SLC30A7: variants seen among roughly 807,000 people sequenced by gnomAD.
SLC30A7 encodes solute carrier family 30 member 7, also known as zinc transporter 7.
SLC30A7 carries 35 observed loss-of-function variants against 46.0 expected under a neutral mutation model. That is an observed-to-expected ratio of 0.76 (90% CI 0.58 to 1.01). The LOEUF (loss-of-function observed/expected upper bound fraction) is 1.01. Ranked by LOEUF, SLC30A7 falls within the 50% of genes least tolerant of loss-of-function variation. SLC30A7 has a pLI of 0.00. For missense variants in SLC30A7, 464 were observed against 451.1 expected (o/e 1.03, Z -0.26); for synonymous variants, 147 against 157.8 (o/e 0.93, Z 0.51).
At chr1:100,971,682 A>G (rs1203060200) in intron 10 of SLC30A7, among the ~76,000 whole-genome samples, 1 of 152,160 alleles carries the variant, frequency 6.6e-6, no homozygotes, top group Admixed American at 6.5e-5. Flanking sequence ...AAAAAAACCC[A>G]CACTCAAGTT....
At chr1:100,906,542 C>T (rs1178423728) in intron 2 of SLC30A7, among the ~76,000 whole-genome samples, 1 of 151,946 alleles carries the variant, frequency 6.6e-6, no homozygotes, top group Non-Finnish European at 1.5e-5. Context: ...TTTTTCCTAC[C>T]TCTCTTTCAG....
intron 10 of SLC30A7, among the ~76,000 whole-genome samples, chr1:100,968,892 C>CT (rs1469881878): frequency 1.1e-4 from 17 of 152,292 alleles, no homozygotes; most frequent in African/African-American, 4.1e-4. Flanking sequence ...TTAAAGCCAT[C>CT]TTTATATATG....
chr1:100,965,044 T>C (rs987891035), intron 9 of SLC30A7, among the ~76,000 whole-genome samples: 1 of 152,208 alleles, frequency 6.6e-6, no homozygotes, highest in Non-Finnish European at 1.5e-5. Context: ...ACTTCCCAGG[T>C]AGATTATGTA....
At chr1:100,963,426 C>T (rs890024866) in intron 9 of SLC30A7, among the ~76,000 whole-genome samples, 13 of 152,032 alleles carry the variant, frequency 8.6e-5, no homozygotes, top group African/African-American at 3.1e-4. Context: ...ATTCTGGATG[C>T]CATTACTGAC....
the SLC30A7 span, among the ~76,000 whole-genome samples, chr1:100,991,873 G>A: frequency 6.6e-6 from 1 of 151,580 alleles, no homozygotes; most frequent in African/African-American, 2.4e-5. Context: ...TTGGGAGGCT[G>A]AGGTGGGAGG....
At chr1:100,898,261 C>A (rs1370142261) in intron 2 of SLC30A7, among the ~76,000 whole-genome samples, 1 of 152,144 alleles carries the variant, frequency 6.6e-6, no homozygotes, top group African/African-American at 2.4e-5. Flanking sequence ...TCAAGAGATT[C>A]ACACTTGAAG....
At chr1:100,985,077 A>T (rs538087686), downstream of SLC30A7, among the ~76,000 whole-genome samples, 1 of 152,326 alleles carries the variant, frequency 6.6e-6, no homozygotes, top group East Asian at 1.9e-4. Context: ...GAAGACAGAG[A>T]AAAGAGTCAA....
In SLC30A7 at chr1:100,961,906, G is replaced by A; in HGVS notation, c.921G>A (p.Gln307=). Residue 307 remains glutamine (Q), a synonymous_variant, in exon 9 of 11, where the codon CAG becomes CAA. Transcript: ENST00000357650. ...CCCTATTAGAAAATAGTCTGCCTCAGTGCTATCAGAGGGTGAGTTTCAAAT... is the reference window on the plus strand; with the variant it reads ...CCCTATTAGAAAATAGTCTGCCTCAATGCTATCAGAGGGTGAGTTTCAAAT... ...TPPLLENSLP[Q]CYQRVQQLQG... is the part of the protein sequence containing the mutation. 1 of 1,598,756 alleles carries A rather than the reference G, an allele frequency of 6.3e-7. No individual in the cohort carries two copies. Among genetic ancestry groups the A allele is most frequent in the African/African-American group, 1.3e-5 (1 of 74,494 alleles).
At chr1:100,987,668 C>CTTT in the SLC30A7 span, among the ~76,000 whole-genome samples, 882 of 141,046 alleles carry the variant, frequency 6.3e-3, 15 homozygotes, top group African/African-American at 0.02. Flanking sequence ...GTTGTCTGCT[C>CTTT]TTTTTTTTTT....
intron 8 of SLC30A7, among the ~76,000 whole-genome samples, chr1:100,951,240 GAC>G (rs1654936886): frequency 6.6e-6 from 1 of 152,120 alleles, no homozygotes; most frequent in African/African-American, 2.4e-5. Flanking sequence ...TCAGGGTACT[GAC>G]ACAAAGTACC....
chr1:100,942,446 A>G (rs1395935238), intron 8 of SLC30A7, among the ~76,000 whole-genome samples: 3 of 152,190 alleles, frequency 2.0e-5, no homozygotes, highest in African/African-American at 7.2e-5. Flanking sequence ...AAAAACACTC[A>G]AAGTGCTTTT....
intron 9 of SLC30A7, among the ~76,000 whole-genome samples, chr1:100,964,540 C>T (rs1344071335): frequency 2.0e-5 from 3 of 151,974 alleles, no homozygotes; most frequent in East Asian, 3.9e-4. Flanking sequence ...TTCTAATCCA[C>T]GTCACTCTGA....
rs1276095504 is a variant in SLC30A7, at chr1:100,912,123, C to T, written c.396C>T (p.Ala132=). 2 of 1,613,410 alleles carry T rather than the reference C, an allele frequency of 1.2e-6. No individual in the cohort carries two copies. The highest frequency in any genetic ancestry group is 8.5e-7 in the Non-Finnish European group (1 of 1,179,532). ...IFSEGVERAL[A]PPDVHHERLL... ...TATGTGTTTTCTAGAGAGCATTAGC[C>T]CCTCCAGATGTCCACCATGAGAGAC... The change falls in exon 5 of 11, where the codon GCC becomes GCT. Residue 132 remains alanine, a synonymous_variant. Coordinates refer to ENST00000357650, the MANE Select transcript of SLC30A7 (RefSeq NM_133496.5).
At chr1:100,970,499 C>G (rs1196885949) in intron 10 of SLC30A7, among the ~76,000 whole-genome samples, 1 of 151,912 alleles carries the variant, frequency 6.6e-6, no homozygotes, top group Non-Finnish European at 1.5e-5. Context: ...TTGCTAAAAG[C>G]CACTTCAGTA....
At chr1:100,913,425 A>G (rs1652262879) in intron 5 of SLC30A7, among the ~76,000 whole-genome samples, 1 of 152,196 alleles carries the variant, frequency 6.6e-6, no homozygotes, top group African/African-American at 2.4e-5. Flanking sequence ...ACTTCCAGTC[A>G]GTACTTATTT....
intron 8 of SLC30A7, among the ~76,000 whole-genome samples, chr1:100,958,016 T>A (rs576149089): frequency 6.6e-6 from 1 of 152,274 alleles, no homozygotes; most frequent in Admixed American, 6.5e-5. Flanking sequence ...CAGATCCCAC[T>A]CTTTAGTTTA....
chr1:100,985,346 C>T (rs547737053), downstream of SLC30A7, among the ~76,000 whole-genome samples: 14 of 152,146 alleles, frequency 9.2e-5, no homozygotes, highest in Non-Finnish European at 1.3e-4. Context: ...ACAGAATAAA[C>T]CCCAAAATAT....
At chr1:100,928,730 T>C (rs1283865741) in intron 8 of SLC30A7, among the ~76,000 whole-genome samples, 1 of 152,122 alleles carries the variant, frequency 6.6e-6, no homozygotes. Flanking sequence ...GGAAAGCATA[T>C]GAAGTAAAGA....
chr1:100,930,282 C>G (rs1369826247), intron 8 of SLC30A7, among the ~76,000 whole-genome samples: 1 of 151,780 alleles, frequency 6.6e-6, no homozygotes, highest in Non-Finnish European at 1.5e-5. Flanking sequence ...TAACCAAAAA[C>G]AAGTCTTTTT....
Sources: allele counts gnomAD v4.1 joint callset (sites outside exome capture counted in the v4.1 genomes callset), GRCh38; gene constraint gnomAD v4.1.1; transcripts MANE v1.5; gene names NCBI Gene and HGNC (gene_info 2026-07-23, HGNC 2026-07-21).